The following MGAT4C variants were observed in gnomAD, a reference collection of about 807,000 sequenced individuals.
The protein encoded by MGAT4C is alpha-1,3-mannosyl-glycoprotein 4-beta-N-acetylglucosaminyltransferase C.
Under a neutral mutation model 40.1 loss-of-function variants are expected in MGAT4C, and 19 were observed. The ratio of observed to expected loss-of-function variants is 0.47; its 90% CI spans 0.33 to 0.70. MGAT4C has a LOEUF of 0.70. MGAT4C is among the 30% of genes least tolerant of loss of function. The pLI is 0.02. For synonymous variants in MGAT4C, 181 were observed against 187.1 expected, an observed-to-expected ratio of 0.97 and a Z score of 0.27; for missense variants, 491 against 563.2, an observed-to-expected ratio of 0.87 and a Z score of 1.30.
At chr12:86,378,966 A>G (rs1467524886) in intron 3 of MGAT4C, among the ~76,000 whole-genome samples, 1 of 152,116 alleles carries the variant, frequency 6.6e-6, no homozygotes, top group Non-Finnish European at 1.5e-5. Context: ...TCTTAGAATC[A>G]ACCTGCTTGA....
At chr12:86,517,988 G>A (rs1038106986) in intron 2 of MGAT4C, among the ~76,000 whole-genome samples, 2 of 152,088 alleles carry the variant, frequency 1.3e-5, no homozygotes, top group African/African-American at 4.8e-5. Flanking sequence ...GTGGGGTAAA[G>A]GATAGGGGTC....
chr12:86,015,773 C>T (rs763514545), intron 2 of MGAT4C: 1 of 152,164 alleles, frequency 6.6e-6, no homozygotes, highest in Non-Finnish European at 1.5e-5. Context: ...TGTATATAAT[C>T]TCACATATTT....
intron 2 of MGAT4C, among the ~76,000 whole-genome samples, chr12:86,648,573 G>A (rs1963610663): frequency 1.3e-5 from 2 of 151,756 alleles, no homozygotes; most frequent in Non-Finnish European, 1.5e-5. Context: ...ATAATGAGAA[G>A]ATAGACATCT....
At chr12:86,323,807 A>G (rs12297686) in intron 4 of MGAT4C, among the ~76,000 whole-genome samples, 2 of 151,918 alleles carry the variant, frequency 1.3e-5, no homozygotes, top group Non-Finnish European at 2.9e-5. Flanking sequence ...GACAATTCCT[A>G]TTATCGCAAT....
chr12:86,056,223 G>A lies in MGAT4C; in HGVS notation c.-56-6500C>T, dbSNP rs140260344. On this transcript the variant is annotated intron_variant, in intron 1 of 4. Coordinates refer to ENST00000611864, the MANE Select transcript of MGAT4C (RefSeq NM_001351288.2). Reference sequence around the variant, plus strand: ...ATAAAGCATGCAGTATGTGAAATGAGTGATCTATTTATTTTTATTTTTTAA... The same window carrying A: ...ATAAAGCATGCAGTATGTGAAATGAATGATCTATTTATTTTTATTTTTTAA... Among the ~76,000 whole-genome samples, 30 of 152,136 alleles carry A rather than the reference G, an allele frequency of 2.0e-4. No homozygotes were observed. The East Asian group carries it at 5.4e-3, about 27-fold the overall frequency.
chr12:86,212,234 A>G (rs1012570230), intron 1 of MGAT4C, among the ~76,000 whole-genome samples: 1 of 152,182 alleles, frequency 6.6e-6, no homozygotes, highest in African/African-American at 2.4e-5. Flanking sequence ...CAAATTACCT[A>G]TGAAGCAACC....
chr12:86,474,433 A>C (rs377256631), intron 2 of MGAT4C, among the ~76,000 whole-genome samples: 1 of 150,586 alleles, frequency 6.6e-6, no homozygotes, highest in African/African-American at 2.4e-5. Context: ...TGATGAGTTA[A>C]TGGGTGCAGC....
chr12:86,166,389 C>T (rs1886192709), intron 1 of MGAT4C, among the ~76,000 whole-genome samples: 1 of 152,056 alleles, frequency 6.6e-6, no homozygotes, highest in African/African-American at 2.4e-5. Context: ...ACTACTAAGC[C>T]GGGTGGGTGC....
intron 1 of MGAT4C, among the ~76,000 whole-genome samples, chr12:86,727,943 T>G (rs866833519): frequency 6.6e-5 from 10 of 152,130 alleles, no homozygotes; most frequent in African/African-American, 2.4e-4. Flanking sequence ...TCATGCAATT[T>G]AACTGAAGAA....
intron 2 of MGAT4C, among the ~76,000 whole-genome samples, chr12:86,602,336 A>G (rs979743849): frequency 6.6e-6 from 1 of 152,208 alleles, no homozygotes; most frequent in Non-Finnish European, 1.5e-5. Flanking sequence ...TGTGACAATA[A>G]GGTGGTACTT....
intron 3 of MGAT4C, among the ~76,000 whole-genome samples, chr12:86,369,876 G>A (rs1955683830): frequency 2.6e-5 from 4 of 151,870 alleles, no homozygotes; most frequent in Non-Finnish European, 5.9e-5. Flanking sequence ...TTTTGTAAAT[G>A]CAGATTTAGT....
intron 1 of MGAT4C, among the ~76,000 whole-genome samples, chr12:86,117,031 G>A (rs1262579082): frequency 2.6e-5 from 4 of 151,952 alleles, no homozygotes; most frequent in South Asian, 2.1e-4. Context: ...GTTCTGAGAC[G>A]CTATATTTGA....
chr12:86,455,805 T>C (rs1490418129), intron 2 of MGAT4C, among the ~76,000 whole-genome samples: 1 of 152,126 alleles, frequency 6.6e-6, no homozygotes, highest in East Asian at 1.9e-4. Context: ...ATCTAGTTTC[T>C]AAACAGCCAG....
At chr12:86,614,359 A>C (rs894639389) in intron 2 of MGAT4C, among the ~76,000 whole-genome samples, 1 of 152,188 alleles carries the variant, frequency 6.6e-6, no homozygotes, top group Non-Finnish European at 1.5e-5. Flanking sequence ...TGAAAGCAGG[A>C]CATTTTCAAA....
At chr12:86,408,452 T>A (rs1236696306) in intron 3 of MGAT4C, among the ~76,000 whole-genome samples, 4 of 86,842 alleles carry the variant, frequency 4.6e-5, no homozygotes, top group African/African-American at 2.1e-4. Flanking sequence ...TAGTAAACTC[T>A]CTCTCTCTCT....
chr12:86,554,546 T>TACTTCCAGG (rs1339159987), intron 2 of MGAT4C, among the ~76,000 whole-genome samples: 1 of 152,222 alleles, frequency 6.6e-6, no homozygotes, highest in African/African-American at 2.4e-5. Flanking sequence ...TAATTGTGGA[T>TACTTCCAGG]ACTTCCAGGA....
intron 2 of MGAT4C, among the ~76,000 whole-genome samples, chr12:86,525,946 C>T (rs1418966607): frequency 6.6e-6 from 1 of 152,208 alleles, no homozygotes; most frequent in Non-Finnish European, 1.5e-5. Flanking sequence ...GCAGCAGTGG[C>T]AATGCAGCAG....
intron 1 of MGAT4C, among the ~76,000 whole-genome samples, chr12:86,168,821 A>G (rs967034285): frequency 6.6e-6 from 1 of 152,092 alleles, no homozygotes; most frequent in Non-Finnish European, 1.5e-5. Context: ...TAATATTTTT[A>G]TATTTGCTTC....
chr12:86,254,008 C>A (rs574609354), intron 1 of MGAT4C, among the ~76,000 whole-genome samples: 2 of 152,054 alleles, frequency 1.3e-5, no homozygotes, highest in African/African-American at 4.8e-5. Context: ...TAATAAGTAT[C>A]TTTTCATGGC....
Sources: allele counts gnomAD v4.1 joint callset (sites outside exome capture counted in the v4.1 genomes callset), GRCh38; gene constraint gnomAD v4.1.1; transcripts MANE v1.5; gene names NCBI Gene and HGNC (gene_info 2026-07-23, HGNC 2026-07-21).